The following SOX5 variants were observed in gnomAD, a reference collection of about 807,000 sequenced individuals.
SOX5 encodes the protein transcription factor SOX-5.
In SOX5, 9 loss-of-function variants were observed where a neutral mutation model predicts 92.0. That is an observed-to-expected ratio of 0.10 (90% CI 0.06 to 0.17). The LOEUF is 0.17. SOX5 is among the 10% of genes least tolerant of loss of function. The pLI is 1.00. For synonymous variants in SOX5, 344 were observed against 336.3 expected (o/e 1.02, Z -0.25); for missense variants, 642 against 944.5 (o/e 0.68, Z 4.20).
chr12:23,590,747 T>C (rs1418219823), intron 9 of SOX5, among the ~76,000 whole-genome samples: 1 of 152,082 alleles, frequency 6.6e-6, no homozygotes, highest in Non-Finnish European at 1.5e-5. Context: ...TCTATAGAAG[T>C]TGTTTTGACA....
intron 6 of SOX5, among the ~76,000 whole-genome samples, chr12:23,703,570 A>G (rs890916519): frequency 1.3e-5 from 2 of 152,044 alleles, no homozygotes; most frequent in African/African-American, 2.4e-5. Context: ...CCCATCTGAC[A>G]TCCCAGACAC....
intron 2 of SOX5, among the ~76,000 whole-genome samples, chr12:24,312,016 T>G (rs1336553896): frequency 6.7e-6 from 1 of 150,148 alleles, no homozygotes; most frequent in Non-Finnish European, 1.5e-5. Context: ...TCTACATAAA[T>G]TAAACCCAAA....
chr12:24,408,814 A>T (rs1963516121), intron 1 of SOX5, among the ~76,000 whole-genome samples: 1 of 152,234 alleles, frequency 6.6e-6, no homozygotes, highest in Admixed American at 6.5e-5. Flanking sequence ...ATTATTAAAA[A>T]GTCAGGAAAC....
intron 3 of SOX5, among the ~76,000 whole-genome samples, chr12:23,806,675 G>T (rs1161746809): frequency 1.3e-5 from 2 of 150,866 alleles, no homozygotes; most frequent in African/African-American, 4.9e-5. Context: ...AAAAGACAGG[G>T]ATTTATTAAG....
chr12:24,006,513 TTG>T (rs1328796753), intron 4 of SOX5, among the ~76,000 whole-genome samples: 1 of 152,086 alleles, frequency 6.6e-6, no homozygotes, highest in Non-Finnish European at 1.5e-5. Flanking sequence ...CTTTCTCTTT[TTG>T]TGTCTCGGGA....
intron 2 of SOX5, among the ~76,000 whole-genome samples, chr12:24,317,506 C>T (rs1378608439): frequency 6.6e-6 from 1 of 152,110 alleles, no homozygotes; most frequent in African/African-American, 2.4e-5. Flanking sequence ...GTTTCTATTC[C>T]TTAATAGTCT....
At chr12:24,419,909 T>C (rs1965654503) in intron 1 of SOX5, among the ~76,000 whole-genome samples, 1 of 152,196 alleles carries the variant, frequency 6.6e-6, no homozygotes, top group South Asian at 2.1e-4. Context: ...TGTAGCAAAT[T>C]TGATCAGCAC....
At chr12:23,567,039 T>C (rs906239587) in intron 10 of SOX5, among the ~76,000 whole-genome samples, 21 of 152,242 alleles carry the variant, frequency 1.4e-4, no homozygotes, top group African/African-American at 4.8e-4. Flanking sequence ...ACTCCTTTCT[T>C]TACTCTTTAC....
chr12:24,172,413 C>A (rs1356349567), intron 4 of SOX5, among the ~76,000 whole-genome samples: 2 of 152,030 alleles, frequency 1.3e-5, no homozygotes, highest in African/African-American at 4.8e-5. Flanking sequence ...GTGGTGCATG[C>A]CTGTGGTTCC....
At chr12:23,887,878 T>G (rs527768635) in intron 2 of SOX5, among the ~76,000 whole-genome samples, 132 of 151,664 alleles carry the variant, frequency 8.7e-4, no homozygotes, top group African/African-American at 3.0e-3. Context: ...CAGTACAAAG[T>G]AAAGACCTTG....
intron 1 of SOX5, among the ~76,000 whole-genome samples, chr12:24,512,628 A>T (rs1459912781): frequency 2.0e-5 from 3 of 152,242 alleles, no homozygotes; most frequent in Non-Finnish European, 4.4e-5. Context: ...ACAGGAAGTC[A>T]TAAGAGCCAG....
intron 4 of SOX5, among the ~76,000 whole-genome samples, chr12:23,982,141 C>A (rs1188413466): frequency 1.3e-5 from 2 of 152,122 alleles, no homozygotes; most frequent in South Asian, 4.1e-4. Flanking sequence ...CGATTCAAAG[C>A]GTCAGGAAAT....
At chr12:24,174,275 A>G (rs1954551781) in intron 4 of SOX5, among the ~76,000 whole-genome samples, 1 of 152,206 alleles carries the variant, frequency 6.6e-6, no homozygotes, top group Non-Finnish European at 1.5e-5. Context: ...CCGGGATTAC[A>G]GGTGTGAGCC....
intron 3 of SOX5, among the ~76,000 whole-genome samples, chr12:24,256,974 A>C (rs868208439): frequency 1.3e-5 from 2 of 152,332 alleles, no homozygotes; most frequent in Middle Eastern, 3.4e-3. Context: ...GAAAGAGCCC[A>C]CTGGGCTTTC....
chr12:24,241,015 T>G (rs1248892959), intron 3 of SOX5, among the ~76,000 whole-genome samples: 1 of 152,186 alleles, frequency 6.6e-6, no homozygotes, highest in African/African-American at 2.4e-5. Flanking sequence ...TGTGGTGCCA[T>G]GAAATAGAAA....
chr12:23,963,544 C>G (rs958933276), intron 4 of SOX5, among the ~76,000 whole-genome samples: 2 of 152,044 alleles, frequency 1.3e-5, no homozygotes. Context: ...TCAGGGAGGA[C>G]TAGGCAGGTT....
chr12:23,611,937 A>C (rs984633427), intron 8 of SOX5, among the ~76,000 whole-genome samples: 113 of 151,158 alleles, frequency 7.5e-4, no homozygotes, highest in African/African-American at 2.5e-3. Flanking sequence ...AAAAAAAAAA[A>C]CACATTAAGA....
chr12:24,440,806 G>A (rs981109634), intron 1 of SOX5, among the ~76,000 whole-genome samples: 2 of 152,154 alleles, frequency 1.3e-5, no homozygotes, highest in Non-Finnish European at 2.9e-5. Context: ...CAATCTCCCA[G>A]ACAATCCTAA....
intron 1 of SOX5, among the ~76,000 whole-genome samples, chr12:24,551,077 C>T (rs772399263): frequency 6.6e-6 from 1 of 152,168 alleles, no homozygotes; most frequent in East Asian, 1.9e-4. Flanking sequence ...CAGGCCTTGA[C>T]CTGTATGGGA....
Sources: allele counts gnomAD v4.1 joint callset (sites outside exome capture counted in the v4.1 genomes callset), GRCh38; gene constraint gnomAD v4.1.1; transcripts MANE v1.5; gene names NCBI Gene and HGNC (gene_info 2026-07-23, HGNC 2026-07-21).